Variants in GRIN2B observed in about 807,000 individuals in gnomAD.
GRIN2B encodes glutamate receptor ionotropic, NMDA 2B.
GRIN2B carries 5 observed loss-of-function variants against 114.5 expected under a neutral mutation model. The ratio of observed to expected loss-of-function variants is 0.04; its 90% CI spans 0.02 to 0.09. The LOEUF (loss-of-function observed/expected upper bound fraction) is 0.09. GRIN2B is among the 10% of genes least tolerant of loss of function. The pLI is 1.00. For synonymous variants in GRIN2B, 787 were observed against 745.1 expected (o/e 1.06, Z -0.92); for missense variants, 1,108 against 1,943.5 (o/e 0.57, Z 8.08).
At chr12:13,624,238 G>A (rs922195217) in intron 5 of GRIN2B, among the ~76,000 whole-genome samples, 3 of 151,422 alleles carry the variant, frequency 2.0e-5, no homozygotes, top group Non-Finnish European at 4.4e-5. Context: ...CCTTTTTTTT[G>A]TCCCTTGTAC....
intron 5 of GRIN2B, among the ~76,000 whole-genome samples, chr12:13,628,887 A>C (rs529954807): frequency 6.6e-6 from 1 of 152,258 alleles, no homozygotes; most frequent in African/African-American, 2.4e-5. Context: ...AATTCAAGAC[A>C]TAAGGTTGTG....
intron 4 of GRIN2B, among the ~76,000 whole-genome samples, chr12:13,746,020 G>A (rs1311159941): frequency 6.6e-6 from 1 of 151,446 alleles, no homozygotes; most frequent in African/African-American, 2.4e-5. Flanking sequence ...CTGGGAGGAG[G>A]GAGACAAAAA....
intron 5 of GRIN2B, among the ~76,000 whole-genome samples, chr12:13,618,854 C>T (rs1166131811): frequency 6.6e-6 from 1 of 152,070 alleles, no homozygotes; most frequent in Non-Finnish European, 1.5e-5. Flanking sequence ...TTCTAATAGA[C>T]TTACTATATC....
intron 3 of GRIN2B, among the ~76,000 whole-genome samples, chr12:13,813,604 T>C (rs927776617): frequency 6.6e-6 from 1 of 152,144 alleles, no homozygotes; most frequent in African/African-American, 2.4e-5. Context: ...TAATGACCAC[T>C]CTACAAGATT....
At chr12:13,864,684 G>C (rs566384795) in intron 3 of GRIN2B, among the ~76,000 whole-genome samples, 1 of 152,154 alleles carries the variant, frequency 6.6e-6, no homozygotes, top group Non-Finnish European at 1.5e-5. Flanking sequence ...AGAATAAAAC[G>C]CTTTTTTCTG....
intron 5 of GRIN2B, among the ~76,000 whole-genome samples, chr12:13,658,603 C>A (rs924542254): frequency 2.6e-5 from 4 of 152,070 alleles, no homozygotes; most frequent in African/African-American, 9.7e-5. Context: ...TTTTGAAGAG[C>A]ACAGATCCAT....
intron 3 of GRIN2B, among the ~76,000 whole-genome samples, chr12:13,776,393 C>T (rs545319335): frequency 1.3e-5 from 2 of 152,108 alleles, no homozygotes; most frequent in East Asian, 1.9e-4. Flanking sequence ...ATGTAACAAA[C>T]CTGCACATGT....
At chr12:13,956,880 A>G (rs909940738) in intron 2 of GRIN2B, among the ~76,000 whole-genome samples, 4 of 152,176 alleles carry the variant, frequency 2.6e-5, no homozygotes, top group African/African-American at 9.7e-5. Context: ...TAGTCCTGCA[A>G]TTAAAGACTC....
In GRIN2B at chr12:13,981,461, A is replaced by G. The variant is rs1224981341; in HGVS notation, c.-567T>C. ...ATCCGTCTCGGGGGTTTTGAAGTTC[A>G]TGACTCTTCTTTGCAAGGCAAAAGG... On this transcript the variant is annotated 5_prime_UTR_variant, in exon 1 of 14. It removes an upstream start codon present in the reference 5' UTR. Transcript: ENST00000609686. The G allele has an allele frequency of 5.3e-5, 8 of 151,966 alleles. No individual in the cohort carries two copies. Among genetic ancestry groups the G allele is most frequent in the African/African-American group, 1.9e-4 (8 of 41,376 alleles). The allele number at this position is 151,966 out of a possible 1,614,324, so 9.4% of individuals were successfully genotyped here.
At position 13,834,197 on chromosome 12, in the gene GRIN2B, A is replaced by ATTTTTTTTTTTTTTT. The variant is rs756189402; in HGVS notation, c.411+31586_411+31600dup. 3.2e-4 allele frequency among the ~76,000 whole-genome samples: 36 copies of ATTTTTTTTTTTTTTT among 111,494 alleles called. 1 individual carries two copies. The highest frequency in any genetic ancestry group is 1.2e-3 in the African/African-American group (33 of 27,536). 73.1% of individuals were successfully genotyped at this position (111,494 alleles called of 152,430 possible). Reference sequence around the variant, plus strand: ...AGGTGCCCACCACCACGCCTGGCTAATTTTTTTTTTTTTTTTTTTTTAGTA... The same window carrying ATTTTTTTTTTTTTTT: ...AGGTGCCCACCACCACGCCTGGCTAATTTTTTTTTTTTTTTTTTTTTTTTTTTTTTTTTTTTAGTA... On this transcript the variant is annotated intron_variant, in intron 3 of 13. Transcript: ENST00000609686.
chr12:13,664,369 C>T (rs1440010558), intron 5 of GRIN2B, among the ~76,000 whole-genome samples: 1 of 152,158 alleles, frequency 6.6e-6, no homozygotes, highest in East Asian at 1.9e-4. Flanking sequence ...AAATTTCATT[C>T]ATTCAAGTAG....
intron 4 of GRIN2B, among the ~76,000 whole-genome samples, chr12:13,681,432 T>C (rs980181450): frequency 6.6e-6 from 1 of 152,136 alleles, no homozygotes; most frequent in Admixed American, 6.5e-5. Flanking sequence ...TTTCCTTCTC[T>C]AGCTATTAAA....
intron 2 of GRIN2B, among the ~76,000 whole-genome samples, chr12:13,942,522 A>T (rs1867278609): frequency 6.6e-6 from 1 of 152,210 alleles, no homozygotes; most frequent in Non-Finnish European, 1.5e-5. Flanking sequence ...TAATTATTTC[A>T]CGACTTTTAG....
intron 2 of GRIN2B, among the ~76,000 whole-genome samples, chr12:13,926,258 C>A (rs1866908776): frequency 6.6e-6 from 1 of 152,186 alleles, no homozygotes; most frequent in South Asian, 2.1e-4. Context: ...TTCAGCAACA[C>A]ACACCCAATG....
intron 5 of GRIN2B, among the ~76,000 whole-genome samples, chr12:13,617,796 T>C (rs1037630988): frequency 6.6e-6 from 1 of 152,158 alleles, no homozygotes; most frequent in Non-Finnish European, 1.5e-5. Context: ...AAGCAACAAG[T>C]TGGTAGGACT....
chr12:13,828,107 C>T (rs1865081755), intron 3 of GRIN2B, among the ~76,000 whole-genome samples: 1 of 152,198 alleles, frequency 6.6e-6, no homozygotes, highest in African/African-American at 2.4e-5. Context: ...TGTGCATGTG[C>T]ACATATTCAT....
At chr12:13,801,622 A>G (rs1864515445) in intron 3 of GRIN2B, among the ~76,000 whole-genome samples, 1 of 152,130 alleles carries the variant, frequency 6.6e-6, no homozygotes, top group South Asian at 2.1e-4. Context: ...TGATACTCCA[A>G]AGAATTCCTT....
intron 4 of GRIN2B, among the ~76,000 whole-genome samples, chr12:13,721,856 G>A (rs999468571): frequency 3.3e-5 from 5 of 152,094 alleles, no homozygotes; most frequent in African/African-American, 4.8e-5. Context: ...TTTGGGCCGC[G>A]AACATTTAGT....
chr12:13,674,902 G>A (rs529519631), intron 5 of GRIN2B, among the ~76,000 whole-genome samples: 1 of 152,202 alleles, frequency 6.6e-6, no homozygotes. Context: ...ACAGTAGGTA[G>A]CATCTCCCAA....
Sources: gnomAD v4.1 joint callset for allele counts (sites outside exome capture counted in the v4.1 genomes callset) on GRCh38, gnomAD v4.1.1 for gene constraint, MANE v1.5 for transcripts, NCBI Gene and HGNC (gene_info 2026-07-23, HGNC 2026-07-21) for gene names.